The following NPHP3 variants were observed in gnomAD, a reference collection of about 807,000 sequenced individuals.
NPHP3 encodes nephrocystin-3.
A neutral mutation model predicts 171.9 loss-of-function variants in NPHP3; 123 were observed. That is an observed-to-expected ratio of 0.72 (90% CI 0.62 to 0.83). The LOEUF (loss-of-function observed/expected upper bound fraction) is 0.83. Among genes scored for constraint, NPHP3 ranks in the 40% least tolerant of loss-of-function variants. The pLI is 0.00. For missense variants in NPHP3, 1,506 were observed against 1,591.9 expected (o/e 0.95, Z 0.92); for synonymous variants, 558 against 579.2 (o/e 0.96, Z 0.52).
intron 22 of NPHP3, 115 bp downstream of exon 22, chr3:132,687,036 C>G (rs1033984611): frequency 6.4e-6 from 4 of 624,600 alleles, no homozygotes; most frequent in Non-Finnish European, 1.2e-5. Context: ...TAGTTCTCTT[C>G]TAAAAAACTA....
chr3:132,713,642 G>C (rs1939971573), intron 5 of NPHP3, among the ~76,000 whole-genome samples: 1 of 151,994 alleles, frequency 6.6e-6, no homozygotes, highest in South Asian at 2.1e-4. Context: ...GCAAAATATA[G>C]ATCCATAAAT....
intron 9 of NPHP3, among the ~76,000 whole-genome samples, chr3:132,702,739 A>G (rs1301031842): frequency 1.3e-5 from 2 of 152,224 alleles, no homozygotes; most frequent in Non-Finnish European, 2.9e-5. Flanking sequence ...CAAGCAGAAA[A>G]ATTATATCTC....
intron 25 of NPHP3, 129 bp from the exon 26 acceptor site, chr3:132,682,947 A>G: frequency 2.9e-6 from 2 of 680,824 alleles, no homozygotes; most frequent in Non-Finnish European, 2.7e-6. Context: ...GAATAAACAG[A>G]TTAACTTATG....
chr3:132,706,468 T>G (rs1329724703), intron 7 of NPHP3, among the ~76,000 whole-genome samples: 1 of 151,946 alleles, frequency 6.6e-6, no homozygotes, highest in Non-Finnish European at 1.5e-5. Context: ...TATTTACCCT[T>G]CAAAATGCAT....
chr3:132,705,984 T>C (rs1210115208), intron 7 of NPHP3, among the ~76,000 whole-genome samples, 170 bp from the exon 8 acceptor site: 3 of 152,200 alleles, frequency 2.0e-5, no homozygotes, highest in Admixed American at 1.3e-4. Flanking sequence ...ATTATCCCCA[T>C]TTTATAGAAG....
At chr3:132,682,177 C>G in intron 26 of NPHP3, 87 bp from the exon 27 acceptor site, 1 of 1,276,506 alleles carries the variant, frequency 7.8e-7, no homozygotes, top group Non-Finnish European at 1.1e-6. Context: ...GAAAAAGAAG[C>G]TGTAAATATT....
intron 24 of NPHP3, among the ~76,000 whole-genome samples, 185 bp from the exon 25 acceptor site, chr3:132,683,709 G>A (rs534943171): frequency 1.3e-5 from 2 of 152,266 alleles, no homozygotes; most frequent in African/African-American, 2.4e-5. Context: ...ACACTGTATA[G>A]AAAAGCATTT....
At chr3:132,696,899 G>C in intron 14 of NPHP3, 86 bp from the exon 15 acceptor site, 1 of 1,016,152 alleles carries the variant, frequency 9.8e-7, no homozygotes, top group Non-Finnish European at 1.5e-6. Flanking sequence ...CCATCAACAA[G>C]TACCCCGACA....
rs966425047 is a variant in NPHP3, at chr3:132,687,081, G to T, written c.3201+70C>A. ...AAAATCTAAAGCTCTTAAACATGTG[G>T]GGTGTATGCATTTATGATGCTCTTT... is the stretch of plus-strand genomic sequence containing the variant. On this transcript the variant is annotated intron_variant, in intron 22 of 26. Transcript: ENST00000337331. 8 of 752,232 alleles carry T rather than the reference G, an allele frequency of 1.1e-5. No homozygotes were observed. In the East Asian group the frequency reaches 1.7e-4, roughly 16 times the overall value. The allele number at this position is 752,232 out of a possible 1,614,324, so 46.6% of individuals were successfully genotyped here.
Position 132,706,085 on chromosome 3 carries a change from C to G in NPHP3, c.1276-271G>C, listed in dbSNP as rs9842176. Among the ~76,000 whole-genome samples the G allele has an allele frequency of 4.7e-3, 717 of 151,890 alleles. 4 individuals are homozygous for G. Among genetic ancestry groups the G allele is most frequent in the Non-Finnish European group, 7.7e-3 (522 of 67,956 alleles). ...GCAATAAAACAAGAAGTAGGCCAGG[C>G]GCGGTGGCTCATGCCTGTAATCCCA... On this transcript the variant is annotated intron_variant, in intron 7 of 26. Transcript: ENST00000337331.
Position 132,689,247 on chromosome 3 carries a change from A to T in NPHP3, c.2710T>A (p.Leu904Met), listed in dbSNP as rs755200408. The T allele has an allele frequency of 2.2e-5, 36 of 1,614,164 alleles. No individual in the cohort carries two copies. Among genetic ancestry groups the T allele is most frequent in the Non-Finnish European group, 3.0e-5 (35 of 1,179,974 alleles). Residue 904 changes from leucine to methionine, a missense_variant, in exon 20 of 27, where the codon TTG (leucine) becomes ATG (methionine). Leu to Met is a conservative substitution (Grantham distance 15). Around this residue, in one of 3 missense-constraint regions of NPHP3, gnomAD observed 569 missense variants for 648.1 expected, o/e 0.88. Coordinates refer to ENST00000337331, the MANE Select transcript of NPHP3 (RefSeq NM_153240.5). ...NLYKRGHFAE[L>M]LSYWQFVGKD... Reference sequence around the variant, plus strand: ...CCAACAAACTGCCAATAACTCAGCAACTCAGCAAAGTGTCCCCTGTTTCAA... The same window carrying T: ...CCAACAAACTGCCAATAACTCAGCATCTCAGCAAAGTGTCCCCTGTTTCAA...
chr3:132,687,197 T>G lies in NPHP3; in HGVS notation c.3155A>C (p.Lys1052Thr), dbSNP rs763460311. The G allele has an allele frequency of 1.4e-6, 2 of 1,457,798 alleles. No individual in the cohort carries two copies. The highest frequency in any genetic ancestry group is 1.9e-6 in the Non-Finnish European group (2 of 1,041,646). The allele number at this position is 1,457,798 out of a possible 1,614,324, so 90.3% of individuals were successfully genotyped here. A position where few individuals can be genotyped will look rare whatever the true frequency, so the allele number is the denominator to read the frequency against. Residue 1052 changes from lysine to threonine, a missense_variant, in exon 22 of 27, where the codon AAA becomes ACA. Transcript: ENST00000337331. ...AGCTTTCTGATGAATTTTAAAGGAT[T>G]TTTTCCTAAAATGTTCAGCTTGTTC... Reference protein sequence around the residue: ...KYEQAEHFRKKSFKIHQKAIK... With the variant: ...KYEQAEHFRKTSFKIHQKAIK...
intron 6 of NPHP3, among the ~76,000 whole-genome samples, chr3:132,711,808 C>T (rs1261497770): frequency 1.3e-5 from 2 of 151,824 alleles, no homozygotes; most frequent in Non-Finnish European, 2.9e-5. Context: ...GCAATGAAAC[C>T]CTACTGAAGG....
In NPHP3 at chr3:132,683,574, T is replaced by A. The variant is rs780109977; in HGVS notation, c.3571-50A>T. 4.1e-6 allele frequency: 6 copies of A among 1,463,464 alleles called. No individual in the cohort carries two copies. The East Asian group carries it at 1.4e-4, about 34-fold the overall frequency. 90.7% of individuals were successfully genotyped at this position (1,463,464 alleles called of 1,614,324 possible). A position where few individuals can be genotyped will look rare whatever the true frequency, so the allele number is the denominator to read the frequency against. On this transcript the variant is annotated intron_variant, in intron 24 of 26. Transcript: ENST00000337331. ...CAAAAATATAAGGCAATAAATACTA[T>A]CTTATCAGAGCTTTTTCCATAAGTA...
intron 26 of NPHP3, 122 bp downstream of exon 26, chr3:132,682,581 G>C (rs1939058592): frequency 2.9e-6 from 2 of 685,736 alleles, no homozygotes; most frequent in East Asian, 2.7e-5. Flanking sequence ...AAGTCAGTCA[G>C]CAAAAAACAA....
At chr3:132,719,547 A>G (rs1173291976) in intron 2 of NPHP3, among the ~76,000 whole-genome samples, 158 bp downstream of exon 2, 1 of 151,560 alleles carries the variant, frequency 6.6e-6, no homozygotes, top group East Asian at 1.9e-4. Context: ...ACCACGTCCA[A>G]CTCAAAAATG....
intron 13 of NPHP3, 73 bp downstream of exon 13, chr3:132,699,280 A>C: frequency 9.9e-7 from 1 of 1,006,218 alleles, no homozygotes; most frequent in Middle Eastern, 2.0e-4. Flanking sequence ...CCATAAATGC[A>C]TATTAAAAAT....
intron 4 of NPHP3, 22 bp from the exon 5 acceptor site, chr3:132,715,240 T>G (rs571304192): frequency 1.2e-6 from 2 of 1,608,362 alleles, no homozygotes; most frequent in South Asian, 1.1e-5. Context: ...ATTTCTCAAG[T>G]TCATGAAAAA....
In NPHP3 at chr3:132,691,234, G is replaced by T; in HGVS notation, c.2528C>A (p.Ser843Ter). Residue 843 changes from serine to a stop codon, truncating the protein, a stop_gained, in exon 18 of 27, where the codon TCA (serine) becomes TAA (stop). Transcript: ENST00000337331. LOFTEE classifies it high-confidence loss of function. ...ATAGTTGATTAGCTTTTGCCTGTAT[G>T]AAGAAGTAACAGTGGGGCCTTCCAG... ...EYLEGPTVTS[S>*]YRQKLINYFT... is the part of the protein sequence containing the mutation. 2 of 1,613,442 alleles carry T rather than the reference G, an allele frequency of 1.2e-6. No homozygotes were observed. The highest frequency in any genetic ancestry group is 1.7e-6 in the Non-Finnish European group (2 of 1,179,526).
Sources: allele counts gnomAD v4.1 joint callset (sites outside exome capture counted in the v4.1 genomes callset), GRCh38; gene constraint gnomAD v4.1.1; regional missense constraint gnomAD v4.1.1; transcripts MANE v1.5; gene names NCBI Gene and HGNC (gene_info 2026-07-23, HGNC 2026-07-21).